The following CDH20 variants were observed in gnomAD, a reference collection of about 807,000 sequenced individuals.
CDH20 encodes cadherin-20.
A neutral mutation model predicts 74.2 loss-of-function variants in CDH20; 29 were observed. That is an observed-to-expected ratio of 0.39 (90% CI 0.29 to 0.53). The LOEUF is 0.53. Ranked by LOEUF, CDH20 falls within the 20% of genes least tolerant of loss-of-function variation. The probability of loss-of-function intolerance (pLI) is 0.69; values close to 1 mark genes in which losing one functional copy is unlikely to be tolerated. For missense variants in CDH20, 988 were observed against 1,048.3 expected, an observed-to-expected ratio of 0.94 and a Z score of 0.79; for synonymous variants, 469 against 405.4, an observed-to-expected ratio of 1.16 and a Z score of -1.88.
At chr18:61,375,597 T>C (rs2144167266) in intron 1 of CDH20, among the ~76,000 whole-genome samples, 1 of 152,288 alleles carries the variant, frequency 6.6e-6, no homozygotes, top group East Asian at 1.9e-4. Flanking sequence ...TGTGCTATTC[T>C]CCACCTGGAA....
chr18:61,362,595 G>A (rs952886042), intron 1 of CDH20, among the ~76,000 whole-genome samples: 1 of 152,090 alleles, frequency 6.6e-6, no homozygotes, highest in Non-Finnish European at 1.5e-5. Context: ...AAGTACTACG[G>A]AGATGAAAGT....
chr18:61,395,831 G>A (rs1393345968), intron 1 of CDH20, among the ~76,000 whole-genome samples: 2 of 152,114 alleles, frequency 1.3e-5, no homozygotes, highest in African/African-American at 2.4e-5. Context: ...TCAGGAGATC[G>A]CGACCATCCT....
intron 1 of CDH20, among the ~76,000 whole-genome samples, chr18:61,372,911 C>T (rs925894110): frequency 2.0e-5 from 3 of 152,058 alleles, no homozygotes; most frequent in Non-Finnish European, 4.4e-5. Flanking sequence ...CCATGATAAT[C>T]GTATGACAAA....
intron 1 of CDH20, among the ~76,000 whole-genome samples, chr18:61,360,743 C>T (rs1033232551): frequency 2.0e-5 from 3 of 152,208 alleles, no homozygotes; most frequent in African/African-American, 7.2e-5. Flanking sequence ...TAAGTGAATA[C>T]CAAAGCCCAG....
intron 1 of CDH20, among the ~76,000 whole-genome samples, chr18:61,449,705 A>T (rs1162955432): frequency 2.0e-5 from 3 of 152,018 alleles, no homozygotes; most frequent in East Asian, 3.9e-4. Context: ...TGGAAATAAA[A>T]TTATACAATA....
chr18:61,555,188 A>T lies in CDH20; in HGVS notation c.*493A>T, dbSNP rs1454891424. ...AGAAAGAACAAAAAACTTGTTACTC[A>T]GTGAAATTAACCTACTTGTTCTGGG... On this transcript the variant is annotated 3_prime_UTR_variant, in exon 12 of 12. Transcript: ENST00000262717. 1 of 984,986 alleles carries T rather than the reference A, an allele frequency of 1.0e-6. No homozygotes were observed. Among genetic ancestry groups the T allele is most frequent in the African/African-American group, 1.8e-5 (1 of 56,416 alleles). 61.0% of individuals were successfully genotyped at this position (984,986 alleles called of 1,614,324 possible). A position where few individuals can be genotyped will look rare whatever the true frequency, so the allele number is the denominator to read the frequency against.
chr18:61,350,361 T>A (rs920910579), intron 1 of CDH20, among the ~76,000 whole-genome samples: 1 of 152,148 alleles, frequency 6.6e-6, no homozygotes, highest in African/African-American at 2.4e-5. Context: ...AACTTCCTAA[T>A]GGGACTGCAC....
intron 4 of CDH20, 112 bp from the exon 5 acceptor site, chr18:61,502,841 T>C: frequency 1.3e-6 from 1 of 785,872 alleles, no homozygotes; most frequent in Non-Finnish European, 1.9e-6. Flanking sequence ...ACAGGTGACT[T>C]GCACCTCACT....
At chr18:61,340,226 C>CTTTTTTTTT (rs59628153) in intron 1 of CDH20, among the ~76,000 whole-genome samples, 2 of 119,736 alleles carry the variant, frequency 1.7e-5, no homozygotes, top group Non-Finnish European at 1.7e-5. Context: ...CTTCAGCCTT[C>CTTTTTTTTT]TTTTTTTTTT....
At chr18:61,484,001 A>G (rs1251143105) in intron 1 of CDH20, among the ~76,000 whole-genome samples, 1 of 152,186 alleles carries the variant, frequency 6.6e-6, no homozygotes, top group Admixed American at 6.5e-5. Context: ...TTGCCAAAAA[A>G]TCTTCTTCCT....
chr18:61,376,063 A>C (rs1911218841), intron 1 of CDH20, among the ~76,000 whole-genome samples: 1 of 152,298 alleles, frequency 6.6e-6, no homozygotes, highest in African/African-American at 2.4e-5. Context: ...TTATTAACAA[A>C]ATAACTTCAT....
chr18:61,428,388 T>A (rs1049051210), intron 1 of CDH20, among the ~76,000 whole-genome samples: 29 of 152,146 alleles, frequency 1.9e-4, no homozygotes, highest in African/African-American at 7.0e-4. Context: ...TTTTTTGACA[T>A]CCCTGGAACA....
chr18:61,366,404 A>G (rs532817191), intron 1 of CDH20, among the ~76,000 whole-genome samples: 1 of 152,304 alleles, frequency 6.6e-6, no homozygotes, highest in African/African-American at 2.4e-5. Context: ...TTATTAAAGT[A>G]CATCAGTTAC....
chr18:61,502,427 C>T (rs1225214693), intron 4 of CDH20, among the ~76,000 whole-genome samples: 2 of 151,948 alleles, frequency 1.3e-5, no homozygotes. Flanking sequence ...ACAGGAAAAT[C>T]CAATTAGAAT....
At chr18:61,532,589 G>T (rs184367797) in intron 7 of CDH20, among the ~76,000 whole-genome samples, 2 of 149,654 alleles carry the variant, frequency 1.3e-5, no homozygotes, top group African/African-American at 2.5e-5. Context: ...AAAAACAAAA[G>T]CTTTACATCA....
intron 1 of CDH20, among the ~76,000 whole-genome samples, chr18:61,404,682 A>G (rs1043828310): frequency 6.6e-6 from 1 of 152,192 alleles, no homozygotes; most frequent in African/African-American, 2.4e-5. Flanking sequence ...ATGCTCAATA[A>G]ATGAGAGCTG....
At chr18:61,477,029 T>C (rs992424505) in intron 1 of CDH20, among the ~76,000 whole-genome samples, 2 of 152,058 alleles carry the variant, frequency 1.3e-5, no homozygotes, top group Non-Finnish European at 2.9e-5. Flanking sequence ...TGGTTCCAGT[T>C]ACTAAACTAG....
intron 6 of CDH20, among the ~76,000 whole-genome samples, chr18:61,522,938 A>C (rs1912262384): frequency 6.6e-6 from 1 of 152,166 alleles, no homozygotes; most frequent in Non-Finnish European, 1.5e-5. Context: ...AAACTTAAAC[A>C]TAAGACCTAA....
At chr18:61,402,423 C>T (rs1045029504) in intron 1 of CDH20, among the ~76,000 whole-genome samples, 1 of 152,070 alleles carries the variant, frequency 6.6e-6, no homozygotes, top group Non-Finnish European at 1.5e-5. Flanking sequence ...TAAAAACCAT[C>T]ATATATTCAA....
Sources: gnomAD v4.1 joint callset for allele counts (sites outside exome capture counted in the v4.1 genomes callset) on GRCh38, gnomAD v4.1.1 for gene constraint, MANE v1.5 for transcripts, NCBI Gene and HGNC (gene_info 2026-07-23, HGNC 2026-07-21) for gene names.